TNRC6C: variants seen among roughly 807,000 people sequenced by gnomAD.
TNRC6C encodes the protein trinucleotide repeat containing adaptor 6C, also known as trinucleotide repeat-containing gene 6C protein.
TNRC6C carries 20 observed loss-of-function variants against 153.7 expected under a neutral mutation model. The ratio of observed to expected loss-of-function variants is 0.13; its 90% CI spans 0.09 to 0.19. The LOEUF is 0.19. Among genes scored for constraint, TNRC6C ranks in the 10% least tolerant of loss-of-function variants. The pLI is 1.00. For synonymous variants in TNRC6C, 811 were observed against 841.4 expected, an observed-to-expected ratio of 0.96 and a Z score of 0.63; for missense variants, 1,987 against 2,172.0, an observed-to-expected ratio of 0.91 and a Z score of 1.69.
chr17:78,099,658 G>A (rs1309091052), intron 17 of TNRC6C, among the ~76,000 whole-genome samples: 9 of 152,188 alleles, frequency 5.9e-5, no homozygotes, highest in Non-Finnish European at 1.3e-4. Flanking sequence ...TACAATTCAA[G>A]ATGAGATTTG....
chr17:78,093,489 T>G, intron 15 of TNRC6C, 131 bp from the exon 18 acceptor site: 1 of 1,115,392 alleles, frequency 9.0e-7, no homozygotes, highest in Non-Finnish European at 1.3e-6. Context: ...AAAGAGAGTA[T>G]AAGGTGTACC....
chr17:78,061,851 T>A (rs946161593), intron 3 of TNRC6C, among the ~76,000 whole-genome samples: 4 of 152,196 alleles, frequency 2.6e-5, no homozygotes, highest in Non-Finnish European at 5.9e-5. Context: ...AATTTTAAAT[T>A]CTTTATAAAA....
At chr17:77,975,891 G>A (rs1009843241) in intron 1 of TNRC6C, among the ~76,000 whole-genome samples, 3 of 152,154 alleles carry the variant, frequency 2.0e-5, no homozygotes, top group Admixed American at 2.0e-4. Flanking sequence ...AATGTAGGTC[G>A]TCTTTATTTT....
At chr17:78,022,932 C>T (rs2071864036) in intron 1 of TNRC6C, among the ~76,000 whole-genome samples, 2 of 152,226 alleles carry the variant, frequency 1.3e-5, no homozygotes, top group Admixed American at 6.5e-5. Flanking sequence ...TACAGTATAA[C>T]AGCTATTTAT....
intron 2 of TNRC6C, among the ~76,000 whole-genome samples, chr17:78,032,857 GTC>G (rs2072103075): frequency 6.6e-6 from 1 of 152,188 alleles, no homozygotes; most frequent in Admixed American, 6.5e-5. Flanking sequence ...ACTTTACCAA[GTC>G]TCTTCAAATA....
At chr17:78,062,446 A>T (rs1020264836) in intron 3 of TNRC6C, among the ~76,000 whole-genome samples, 1 of 152,236 alleles carries the variant, frequency 6.6e-6, no homozygotes, top group African/African-American at 2.4e-5. Context: ...AGGCCAAACA[A>T]TGTAAAATTG....
chr17:78,031,242 G>C (rs1158089352), intron 1 of TNRC6C, among the ~76,000 whole-genome samples: 1 of 152,134 alleles, frequency 6.6e-6, no homozygotes, highest in African/African-American at 2.4e-5. Flanking sequence ...GCAAACCAAG[G>C]GTGAGAACTG....
intron 1 of TNRC6C, among the ~76,000 whole-genome samples, chr17:77,968,622 C>T (rs1165179278): frequency 6.6e-6 from 1 of 152,188 alleles, no homozygotes; most frequent in Non-Finnish European, 1.5e-5. Flanking sequence ...GGATTACAGG[C>T]GTGAGCCACC....
At chr17:78,057,190 T>C (rs2072676364) in intron 3 of TNRC6C, among the ~76,000 whole-genome samples, 1 of 152,240 alleles carries the variant, frequency 6.6e-6, no homozygotes, top group East Asian at 1.9e-4. Context: ...TTCATTTTTT[T>C]CATTTATAAC....
intron 1 of TNRC6C, among the ~76,000 whole-genome samples, chr17:77,986,181 C>T (rs763039035): frequency 2.6e-5 from 4 of 152,120 alleles, no homozygotes; most frequent in Non-Finnish European, 4.4e-5. Flanking sequence ...CTTGGAAGGC[C>T]GAGGTGGGCG....
At chr17:78,031,944 A>C in intron 2 of TNRC6C, 102 bp downstream of exon 4, 2 of 942,056 alleles carry the variant, frequency 2.1e-6, no homozygotes, top group Non-Finnish European at 2.8e-6. Context: ...GTCCATACTC[A>C]CAACATACAC....
intron 3 of TNRC6C, among the ~76,000 whole-genome samples, chr17:78,052,763 T>C (rs2072563078): frequency 6.6e-6 from 1 of 152,176 alleles, no homozygotes; most frequent in Non-Finnish European, 1.5e-5. Flanking sequence ...GGTGGTTCAC[T>C]TGTGTACCTC....
At chr17:77,970,657 G>A (rs1012542059) in intron 1 of TNRC6C, among the ~76,000 whole-genome samples, 1 of 150,678 alleles carries the variant, frequency 6.6e-6, no homozygotes, top group South Asian at 2.1e-4. Flanking sequence ...TATGAGATTT[G>A]TGTGTGTGTG....
In TNRC6C at chr17:78,018,546, G is replaced by C. The variant is rs778399839; in HGVS notation, c.-545-12970G>C. On this transcript the variant is annotated intron_variant, in intron 1 of 19. Coordinates refer to ENST00000301624, the Ensembl canonical transcript of TNRC6C. ...GTGGGGATATTGACATGTTTGGGGG[G>C]GTGGAGCAAATGGTAGGCAGATTGC... Among the ~76,000 whole-genome samples, 113 of 152,170 alleles carry C rather than the reference G, an allele frequency of 7.4e-4. 2 individuals are homozygous for C. The highest frequency in any genetic ancestry group is 8.3e-4 in the South Asian group (4 of 4,814).
chr17:77,989,431 G>A (rs1432902219), intron 1 of TNRC6C, among the ~76,000 whole-genome samples: 1 of 152,218 alleles, frequency 6.6e-6, no homozygotes, highest in Non-Finnish European at 1.5e-5. Flanking sequence ...AAAAGCAACT[G>A]TCATATACAT....
chr17:78,075,749 A>G lies in TNRC6C; in HGVS notation c.3060+471A>G, dbSNP rs193267927. On this transcript the variant is annotated intron_variant, in intron 8 of 19. Coordinates refer to ENST00000301624, the Ensembl canonical transcript of TNRC6C. The surrounding 1 kb of genome is among the most constrained non-coding windows in gnomAD (Gnocchi z 4.2). ...CTGGCATCTGTGGAAAACGCCCTGA[A>G]TGTTTAGCCAGTCCGGTCACAGCTC... is the stretch of plus-strand genomic sequence containing the variant. Among the ~76,000 whole-genome samples, 8 of 152,178 alleles carry G rather than the reference A, an allele frequency of 5.3e-5. No individual in the cohort carries two copies. The highest frequency in any genetic ancestry group is 1.9e-4 in the African/African-American group (8 of 41,442).
At chr17:78,093,684 C>T in exon 16 of TNRC6C, 1 of 1,613,986 alleles carries the variant, frequency 6.2e-7, no homozygotes, top group African/African-American at 1.3e-5. Flanking sequence ...ACCCTGACGT[C>T]ACTCCTGGCA....
intron 1 of TNRC6C, among the ~76,000 whole-genome samples, chr17:78,010,260 C>T (rs1403697425): frequency 6.6e-6 from 1 of 152,078 alleles, no homozygotes; most frequent in Non-Finnish European, 1.5e-5. Context: ...CTTTACCATG[C>T]GTTCAGTTTG....
intron 3 of TNRC6C, among the ~76,000 whole-genome samples, chr17:78,053,159 T>G (rs2072572310): frequency 6.6e-6 from 1 of 152,176 alleles, no homozygotes; most frequent in African/African-American, 2.4e-5. Context: ...ATCATCAAGC[T>G]TGCGCTGCTG....
Sources: allele counts gnomAD v4.1 joint callset (sites outside exome capture counted in the v4.1 genomes callset), GRCh38; gene constraint gnomAD v4.1.1; non-coding constraint Gnocchi (gnomAD v3.1); transcripts MANE v1.5; gene names NCBI Gene and HGNC (gene_info 2026-07-23, HGNC 2026-07-21).